The following OR56A3 variants were observed in gnomAD, a reference collection of about 807,000 sequenced individuals.
OR56A3 encodes the protein olfactory receptor family 56 subfamily A member 3.
In OR56A3, 23 loss-of-function variants were observed where a neutral mutation model predicts 17.5. The observed-to-expected ratio is 1.32, with a 90% confidence interval of 0.95 to 1.87. The LOEUF (loss-of-function observed/expected upper bound fraction) is 1.87. Ranked by LOEUF, OR56A3 falls within the 40% of genes most tolerant of loss-of-function variation. The probability of loss-of-function intolerance (pLI) is 0.00; values close to 1 mark genes in which losing one functional copy is unlikely to be tolerated. For synonymous variants in OR56A3, 175 were observed against 150.6 expected (o/e 1.16, Z -1.19); for missense variants, 366 against 380.1 (o/e 0.96, Z 0.31).
At chr11:5,976,896 C>T in the OR56A3 span, among the ~76,000 whole-genome samples, 1 of 152,054 alleles carries the variant, frequency 6.6e-6, no homozygotes. Context: ...TAGGCCCCAG[C>T]GTCTATTGTT....
At chr11:6,012,070 C>T in the OR56A3 span, among the ~76,000 whole-genome samples, 1 of 152,230 alleles carries the variant, frequency 6.6e-6, no homozygotes, top group African/African-American at 2.4e-5. Context: ...CCTCTTTTCA[C>T]CTGCAATGTG....
the OR56A3 span, chr11:5,968,145 G>A: frequency 1.2e-6 from 2 of 1,614,212 alleles, no homozygotes; most frequent in South Asian, 1.1e-5. Flanking sequence ...GATCATGAAT[G>A]TGCAGGACTC....
the OR56A3 span, among the ~76,000 whole-genome samples, chr11:5,974,629 A>T: frequency 6.6e-6 from 1 of 152,220 alleles, no homozygotes; most frequent in Non-Finnish European, 1.5e-5. Flanking sequence ...CAATAATGCA[A>T]ATCACCAGCA....
chr11:5,963,421 T>G, the OR56A3 span, among the ~76,000 whole-genome samples: 1 of 152,124 alleles, frequency 6.6e-6, no homozygotes, highest in Non-Finnish European at 1.5e-5. Flanking sequence ...CTCCTTCATT[T>G]TTGAAGGAGA....
chr11:5,985,826 A>G, the OR56A3 span: 2 of 945,508 alleles, frequency 2.1e-6, no homozygotes, highest in African/African-American at 3.3e-5. Flanking sequence ...TAGTAAGACT[A>G]GAAGGAATAC....
the OR56A3 span, among the ~76,000 whole-genome samples, chr11:5,975,702 T>C: frequency 2.0e-5 from 3 of 152,180 alleles, no homozygotes; most frequent in South Asian, 6.2e-4. Context: ...GCATGATTTA[T>C]AGTCCTTTGG....
At chr11:5,965,103 A>G in the OR56A3 span, among the ~76,000 whole-genome samples, 3 of 152,214 alleles carry the variant, frequency 2.0e-5, no homozygotes, top group South Asian at 2.1e-4. Context: ...TTATAGGAGA[A>G]TGGTCACTAG....
the OR56A3 span, among the ~76,000 whole-genome samples, chr11:5,971,030 C>A: frequency 6.6e-6 from 1 of 152,168 alleles, no homozygotes; most frequent in East Asian, 1.9e-4. Flanking sequence ...AGGAGAAGCT[C>A]AAGATAATAG....
the OR56A3 span, among the ~76,000 whole-genome samples, chr11:5,959,521 T>G: frequency 6.6e-6 from 1 of 152,140 alleles, no homozygotes; most frequent in African/African-American, 2.4e-5. Flanking sequence ...TGCTATTGAA[T>G]TGTCAGAGTT....
the OR56A3 span, chr11:6,006,170 A>T: frequency 1.3e-5 from 2 of 152,184 alleles, no homozygotes; most frequent in Non-Finnish European, 2.9e-5. Context: ...ACAGGAAGAC[A>T]TATGTTCTTT....
chr11:5,955,829 C>T (rs2134368839), downstream of OR56A3, among the ~76,000 whole-genome samples: 1 of 152,264 alleles, frequency 6.6e-6, no homozygotes, highest in Non-Finnish European at 1.5e-5. Context: ...TATACTTGGT[C>T]TGATTATTTG....
At chr11:5,967,869 AG>A in the OR56A3 span, 1 of 1,574,708 alleles carries the variant, frequency 6.4e-7, no homozygotes, top group Non-Finnish European at 8.6e-7. Context: ...AGAGCCCAGC[AG>A]GGTCCAACCT....
chr11:5,961,157 G>T, the OR56A3 span, among the ~76,000 whole-genome samples: 1 of 148,558 alleles, frequency 6.7e-6, no homozygotes, highest in Non-Finnish European at 1.5e-5. Flanking sequence ...CCCGGCCACC[G>T]CCCAGTCTGG....
At chr11:6,014,023 T>C in the OR56A3 span, among the ~76,000 whole-genome samples, 1 of 152,136 alleles carries the variant, frequency 6.6e-6, no homozygotes, top group African/African-American at 2.4e-5. Flanking sequence ...ACAAGCTGCC[T>C]GAAGGTTTAA....
chr11:5,993,379 A>T, the OR56A3 span, among the ~76,000 whole-genome samples: 1 of 152,116 alleles, frequency 6.6e-6, no homozygotes, highest in Non-Finnish European at 1.5e-5. Context: ...TAAAAAGCAA[A>T]TACAGCCATC....
chr11:6,003,266 T>A, the OR56A3 span: 5 of 618,022 alleles, frequency 8.1e-6, no homozygotes, highest in African/African-American at 7.5e-5. Flanking sequence ...ATCCTAATGT[T>A]ACAGGTAATA....
the OR56A3 span, among the ~76,000 whole-genome samples, chr11:5,964,281 T>G: frequency 1.1e-3 from 165 of 152,338 alleles, no homozygotes; most frequent in African/African-American, 3.8e-3. Context: ...CTTCCCAGAT[T>G]GCTCTTGATC....
chr11:5,986,015 T>C, the OR56A3 span: 1 of 1,613,260 alleles, frequency 6.2e-7, no homozygotes, highest in Non-Finnish European at 8.5e-7. Flanking sequence ...ACAAGAGGAT[T>C]GAGCGCAGGT....
At chr11:6,016,217 TG>T in the OR56A3 span, among the ~76,000 whole-genome samples, 1 of 152,192 alleles carries the variant, frequency 6.6e-6, no homozygotes, top group Non-Finnish European at 1.5e-5. Context: ...CTATGTAAGA[TG>T]GCTGCTTCTG....
Sources: gnomAD v4.1 joint callset for allele counts (sites outside exome capture counted in the v4.1 genomes callset) on GRCh38, gnomAD v4.1.1 for gene constraint, MANE v1.5 for transcripts, NCBI Gene and HGNC (gene_info 2026-07-23, HGNC 2026-07-21) for gene names.